The following OGDH variants were observed in gnomAD, a reference collection of about 807,000 sequenced individuals.
OGDH encodes 2-oxoglutarate dehydrogenase complex component E1.
OGDH carries 38 observed loss-of-function variants against 116.6 expected under a neutral mutation model. The observed-to-expected ratio is 0.33, with a 90% CI of 0.25 to 0.43. The LOEUF is 0.43. OGDH is among the 20% of genes least tolerant of loss of function. The probability of loss-of-function intolerance (pLI) is 1.00; values close to 1 mark genes in which losing one functional copy is unlikely to be tolerated. For missense variants in OGDH, 825 were observed against 1,357.2 expected (o/e 0.61, Z 6.16); for synonymous variants, 488 against 533.3 (o/e 0.92, Z 1.17).
At chr7:44,671,085 A>G (rs146244500) in intron 5 of OGDH, among the ~76,000 whole-genome samples, 61 of 152,164 alleles carry the variant, frequency 4.0e-4, no homozygotes, top group African/African-American at 1.3e-3. Context: ...TTGTATTGCT[A>G]TAAAGTATAA....
Position 44,619,318 on chromosome 7 carries a change from G to A in OGDH, c.-27-4999G>A, listed in dbSNP as rs113377615. Among the ~76,000 whole-genome samples the A allele has an allele frequency of 2.5e-3, 379 of 152,288 alleles. 4 individuals carry two copies. Among genetic ancestry groups the A allele is most frequent in the African/African-American group, 8.5e-3 (354 of 41,552 alleles). On this transcript the variant is annotated intron_variant, in intron 1 of 22. Coordinates refer to ENST00000222673, the MANE Select transcript of OGDH (RefSeq NM_002541.4). ...CAACTGGGGGCTTGCGATTGACATCGGAAGTAGGAGGCAGCCTTGTGGGAT... is the reference window on the plus strand; with the variant it reads ...CAACTGGGGGCTTGCGATTGACATCAGAAGTAGGAGGCAGCCTTGTGGGAT...
At chr7:44,638,963 G>A (rs1257798073) in intron 2 of OGDH, among the ~76,000 whole-genome samples, 1 of 152,224 alleles carries the variant, frequency 6.6e-6, no homozygotes, top group East Asian at 1.9e-4. Context: ...TGAGATGAGT[G>A]TACAGTAAGG....
intron 1 of OGDH, among the ~76,000 whole-genome samples, chr7:44,616,835 ACACATATACG>A (rs1784815651): frequency 7.4e-6 from 1 of 135,794 alleles, no homozygotes; most frequent in Non-Finnish European, 1.6e-5. Context: ...GTGTATATAT[ACACATATACG>A]TGTATATATA....
At chr7:44,642,811 A>G (rs970778348) in intron 2 of OGDH, among the ~76,000 whole-genome samples, 2 of 151,780 alleles carry the variant, frequency 1.3e-5, no homozygotes, top group African/African-American at 4.8e-5. Flanking sequence ...AATCCCAGCT[A>G]CTCGGGAGGC....
At chr7:44,655,412 C>G (rs1434823013) in intron 4 of OGDH, among the ~76,000 whole-genome samples, 1 of 152,178 alleles carries the variant, frequency 6.6e-6, no homozygotes, top group African/African-American at 2.4e-5. Context: ...TGGAGACTAG[C>G]CCCTGTCACA....
intron 10 of OGDH, among the ~76,000 whole-genome samples, chr7:44,686,038 C>T (rs1488517774): frequency 7.1e-6 from 1 of 141,770 alleles, no homozygotes; most frequent in African/African-American, 2.5e-5. Flanking sequence ...TTCTAATTTT[C>T]TTTCTTTCTT....
In OGDH at chr7:44,662,677, G is replaced by A. The variant is rs544531788; in HGVS notation, c.518-4059G>A. ...GGGGTTTCACCATGTTGGTCAGGCCGGTCTCGAACTCCTGACCTCATGATC... is the reference window on the plus strand; with the variant it reads ...GGGGTTTCACCATGTTGGTCAGGCCAGTCTCGAACTCCTGACCTCATGATC... On this transcript the variant is annotated intron_variant, in intron 4 of 22. Coordinates refer to ENST00000222673, the MANE Select transcript of OGDH (RefSeq NM_002541.4). 1.6e-4 allele frequency among the ~76,000 whole-genome samples: 25 copies of A among 152,074 alleles called. No homozygotes were observed. The East Asian group carries it at 2.9e-3, about 18-fold the overall frequency.
chr7:44,697,136 T>C lies in OGDH; in HGVS notation c.2051+72T>C. The C allele has an allele frequency of 3.2e-6, 5 of 1,562,132 alleles. No individual in the cohort carries two copies. The highest frequency in any genetic ancestry group is 4.4e-6 in the Non-Finnish European group (5 of 1,148,166). ...GAAAGGGAGGGGTTCTGGTGTTTCT[T>C]TTCCGGAAGACGGTTAGAAACCGGA... On this transcript the variant is annotated intron_variant, in intron 15 of 22. Transcript: ENST00000222673. This position sits in a 1 kb window ranked among gnomAD's most constrained non-coding sequence, Gnocchi z 6.0.
chr7:44,707,477 C>G lies in OGDH; in HGVS notation c.2796+89C>G. The G allele has an allele frequency of 1.3e-6, 2 of 1,593,070 alleles. No individual in the cohort carries two copies. Among genetic ancestry groups the G allele is most frequent in the Non-Finnish European group, 1.7e-6 (2 of 1,168,254 alleles). On this transcript the variant is annotated intron_variant, in intron 21 of 22. Transcript: ENST00000222673. This position sits in a 1 kb window ranked among gnomAD's most constrained non-coding sequence, Gnocchi z 5.2. ...AGAACAGCCTTGCTTGGGGTGTGGCCCTCAGGTTCCTGACCTTCCCTGCTC... is the reference window on the plus strand; with the variant it reads ...AGAACAGCCTTGCTTGGGGTGTGGCGCTCAGGTTCCTGACCTTCCCTGCTC...
At chr7:44,608,824 A>T (rs552587070) in intron 1 of OGDH, among the ~76,000 whole-genome samples, 1 of 152,332 alleles carries the variant, frequency 6.6e-6, no homozygotes, top group African/African-American at 2.4e-5. Context: ...TTTTGAAAAC[A>T]GTAAAATTTT....
chr7:44,685,163 G>C (rs564488596), intron 10 of OGDH, among the ~76,000 whole-genome samples: 257 of 152,130 alleles, frequency 1.7e-3, no homozygotes, highest in Middle Eastern at 3.4e-3. Context: ...CAGTTTAGTG[G>C]TATTAAATAC....
intron 8 of OGDH, 98 bp downstream of exon 8, chr7:44,675,366 C>CAGAA: frequency 1.0e-6 from 1 of 978,636 alleles, no homozygotes; most frequent in South Asian, 1.4e-5. Context: ...GGGGTTGGTT[C>CAGAA]TTCTGTACCA....
chr7:44,624,747 T>C (rs1387675205), intron 2 of OGDH, among the ~76,000 whole-genome samples, 182 bp downstream of exon 2: 1 of 152,138 alleles, frequency 6.6e-6, no homozygotes, highest in African/African-American at 2.4e-5. Context: ...GGTCCCTGGA[T>C]TGGCGTCCAG....
At chr7:44,676,432 G>C in intron 9 of OGDH, 1 of 525,446 alleles carries the variant, frequency 1.9e-6, no homozygotes, top group Non-Finnish European at 3.2e-6. Context: ...GCGCGCGCCT[G>C]TAATCCCAGC....
At chr7:44,690,919 G>A (rs2116317307) in intron 10 of OGDH, among the ~76,000 whole-genome samples, 1 of 152,186 alleles carries the variant, frequency 6.6e-6, no homozygotes, top group South Asian at 2.1e-4. Context: ...TATGTGTCAG[G>A]CTCTGATACA....
At position 44,675,163 on chromosome 7, in the gene OGDH, G is replaced by A. The variant is rs758772733; in HGVS notation, c.936-15G>A. The A allele has an allele frequency of 7.5e-6, 12 of 1,610,496 alleles. No homozygotes were observed. The highest frequency in any genetic ancestry group is 2.2e-5 in the East Asian group (1 of 44,860). ...ACCTCAGGCTCTGCTCACCCTACTCGCCCATACGTTCCAGAGGGCGGCTGA... is the reference window on the plus strand; with the variant it reads ...ACCTCAGGCTCTGCTCACCCTACTCACCCATACGTTCCAGAGGGCGGCTGA... On this transcript the variant is annotated splice_polypyrimidine_tract_variant and intron_variant, in intron 7 of 22. Transcript: ENST00000222673.
At chr7:44,628,881 T>A (rs1274731730) in intron 2 of OGDH, among the ~76,000 whole-genome samples, 4 of 152,178 alleles carry the variant, frequency 2.6e-5, no homozygotes, top group Non-Finnish European at 4.4e-5. Flanking sequence ...AGAATCCGGT[T>A]AACTAGCTGA....
chr7:44,698,397 C>T (rs748370595), intron 18 of OGDH, 134 bp downstream of exon 18: 59 of 870,612 alleles, frequency 6.8e-5, no homozygotes, highest in Middle Eastern at 3.4e-4. Flanking sequence ...GGGGAGCTCA[C>T]GTGAGTGGAC....
chr7:44,608,141 G>A (rs993112918), intron 1 of OGDH, among the ~76,000 whole-genome samples: 9 of 152,126 alleles, frequency 5.9e-5, no homozygotes, highest in African/African-American at 2.2e-4. Context: ...GGTGGCTCAC[G>A]TTTGTAATCC....
Sources: allele counts gnomAD v4.1 joint callset (sites outside exome capture counted in the v4.1 genomes callset), GRCh38; gene constraint gnomAD v4.1.1; non-coding constraint Gnocchi (gnomAD v3.1); transcripts MANE v1.5; gene names NCBI Gene and HGNC (gene_info 2026-07-23, HGNC 2026-07-21).